The following GAS7 variants were observed in gnomAD, a reference collection of about 807,000 sequenced individuals.
GAS7 encodes growth arrest specific 7.
Under a neutral mutation model 71.1 loss-of-function variants are expected in GAS7, and 28 were observed. The observed-to-expected ratio is 0.39, with a 90% CI of 0.29 to 0.54. GAS7 has a LOEUF of 0.54. Ranked by LOEUF, GAS7 falls within the 20% of genes least tolerant of loss-of-function variation. The pLI is 0.62. For synonymous variants in GAS7, 258 were observed against 245.8 expected, an observed-to-expected ratio of 1.05 and a Z score of -0.46; for missense variants, 436 against 627.8, an observed-to-expected ratio of 0.69 and a Z score of 3.27.
intron 2 of GAS7, among the ~76,000 whole-genome samples, chr17:10,007,625 CAAAAAAAA>C (rs201254619): frequency 2.1e-5 from 1 of 46,596 alleles, no homozygotes; most frequent in African/African-American, 6.9e-5. Flanking sequence ...GATTCTGTCT[CAAAAAAAA>C]AAAAAAAAAA....
At chr17:10,186,893 A>G (rs1042334385) in intron 1 of GAS7, among the ~76,000 whole-genome samples, 15 of 152,126 alleles carry the variant, frequency 9.9e-5, no homozygotes, top group Admixed American at 6.5e-5. Flanking sequence ...GTCTCCAAAA[A>G]AAAACAGAAA....
intron 1 of GAS7, among the ~76,000 whole-genome samples, chr17:10,075,127 G>A (rs564106024): frequency 5.3e-4 from 80 of 152,210 alleles, no homozygotes; most frequent in African/African-American, 1.9e-3. Context: ...GGAGGCTGAG[G>A]TGGGCAAATC....
At chr17:10,099,010 G>A (rs1264880442) in intron 1 of GAS7, among the ~76,000 whole-genome samples, 2 of 152,206 alleles carry the variant, frequency 1.3e-5, no homozygotes, top group East Asian at 3.8e-4. Context: ...GAAGGGCAGA[G>A]TTGTGGCCAT....
chr17:9,939,837 T>C (rs2068535140), intron 8 of GAS7, among the ~76,000 whole-genome samples: 1 of 152,182 alleles, frequency 6.6e-6, no homozygotes, highest in African/African-American at 2.4e-5. Context: ...CTCGAACTCC[T>C]GACCTTGTGA....
At position 9,974,735 on chromosome 17, in the gene GAS7, A is replaced by C. The variant is rs1223359938; in HGVS notation, c.386-4973T>G. Among the ~76,000 whole-genome samples, 1 of 152,094 alleles carries C rather than the reference A, an allele frequency of 6.6e-6. No homozygotes were observed. The highest frequency in any genetic ancestry group is 1.5e-5 in the Non-Finnish European group (1 of 68,026). ...GATATTTGGGTAGAAAAGAGGAGGG[A>C]GGTCTGGGTAGGGAGAAGTCAACAG... On this transcript the variant is annotated intron_variant, in intron 3 of 13. Coordinates refer to ENST00000432992, the MANE Select transcript of GAS7 (RefSeq NM_201433.2). This position sits in a 1 kb window ranked among gnomAD's most constrained non-coding sequence, Gnocchi z 4.0.
At chr17:10,074,682 G>T (rs974809429) in intron 1 of GAS7, among the ~76,000 whole-genome samples, 11 of 152,262 alleles carry the variant, frequency 7.2e-5, no homozygotes, top group African/African-American at 2.4e-4. Context: ...GTACCTGTCG[G>T]TGTGGTTTTA....
intron 1 of GAS7, among the ~76,000 whole-genome samples, chr17:10,105,463 G>A (rs1567593715): frequency 6.6e-6 from 1 of 152,144 alleles, no homozygotes; most frequent in Non-Finnish European, 1.5e-5. Flanking sequence ...GATGGTACAG[G>A]CCTAGAGCAT....
intron 2 of GAS7, among the ~76,000 whole-genome samples, chr17:10,002,775 GT>G (rs1158753649): frequency 6.6e-6 from 1 of 152,168 alleles, no homozygotes; most frequent in African/African-American, 2.4e-5. Context: ...ATTCCATGGT[GT>G]ATATGTGCCA....
intron 1 of GAS7, among the ~76,000 whole-genome samples, chr17:10,033,237 G>C (rs967140868): frequency 1.5e-4 from 23 of 152,192 alleles, no homozygotes; most frequent in African/African-American, 4.1e-4. Context: ...TTCCTGGAAG[G>C]GTGAGGGCCC....
chr17:10,179,464 G>A (rs1209541998), intron 1 of GAS7, among the ~76,000 whole-genome samples: 1 of 144,626 alleles, frequency 6.9e-6, no homozygotes, highest in African/African-American at 2.6e-5. Flanking sequence ...TTCCAAGCTG[G>A]TTTATCTGTC....
chr17:10,126,043 G>A (rs939134115), intron 1 of GAS7, among the ~76,000 whole-genome samples: 4 of 152,152 alleles, frequency 2.6e-5, no homozygotes, highest in Admixed American at 2.6e-4. Context: ...GGCCCCCATC[G>A]CAGAGCAGCC....
At chr17:10,138,042 A>C (rs1348476681) in intron 1 of GAS7, among the ~76,000 whole-genome samples, 1 of 151,602 alleles carries the variant, frequency 6.6e-6, no homozygotes, top group Non-Finnish European at 1.5e-5. Flanking sequence ...GGCTCACTGC[A>C]AGCTCCATCT....
At chr17:10,130,329 TAAA>T (rs35108339) in intron 1 of GAS7, among the ~76,000 whole-genome samples, 36 of 127,432 alleles carry the variant, frequency 2.8e-4, no homozygotes, top group South Asian at 5.0e-4. Flanking sequence ...AGCTATGATT[TAAA>T]AAAAAAAAAA....
At chr17:10,119,419 A>T (rs1003641291) in intron 1 of GAS7, among the ~76,000 whole-genome samples, 3 of 152,250 alleles carry the variant, frequency 2.0e-5, no homozygotes, top group Admixed American at 6.5e-5. Context: ...TTAAGGAGAC[A>T]GAGGTTAAGA....
At chr17:10,110,993 C>T (rs1477921683) in intron 1 of GAS7, among the ~76,000 whole-genome samples, 4 of 152,134 alleles carry the variant, frequency 2.6e-5, no homozygotes, top group Non-Finnish European at 5.9e-5. Context: ...TAAAACATTA[C>T]GCGTCGATTA....
chr17:9,974,742 G>A lies in GAS7; in HGVS notation c.386-4980C>T, dbSNP rs1052135855. 6.6e-6 allele frequency among the ~76,000 whole-genome samples: 1 copy of A among 152,080 alleles called. No homozygotes were observed. The highest frequency in any genetic ancestry group is 2.4e-5 in the African/African-American group (1 of 41,388). On this transcript the variant is annotated intron_variant, in intron 3 of 13. Transcript: ENST00000432992. The surrounding 1 kb of genome is among the most constrained non-coding windows in gnomAD (Gnocchi z 4.0). ...GGGTAGAAAAGAGGAGGGAGGTCTG[G>A]GTAGGGAGAAGTCAACAGAAACAGA...
In GAS7 at chr17:9,995,116, A is replaced by G. The variant is rs544740547; in HGVS notation, c.305-13232T>C. On this transcript the variant is annotated intron_variant, in intron 2 of 13. Coordinates refer to ENST00000432992, the MANE Select transcript of GAS7 (RefSeq NM_201433.2). ...AGTATCGTCTCTGCCCTAGGGAGCT[A>G]ACAGGCTGGCTGGAAGAAGAATCTC... Among the ~76,000 whole-genome samples, 8 of 152,332 alleles carry G rather than the reference A, an allele frequency of 5.3e-5. No individual in the cohort carries two copies. The South Asian group carries it at 1.7e-3, about 32-fold the overall frequency.
intron 1 of GAS7, among the ~76,000 whole-genome samples, chr17:10,146,958 C>T (rs2074126084): frequency 2.2e-5 from 2 of 88,924 alleles, no homozygotes; most frequent in African/African-American, 6.1e-5. Flanking sequence ...GACTCCGTCT[C>T]ATAAAAAAAA....
chr17:10,110,981 T>C (rs1371367680), intron 1 of GAS7, among the ~76,000 whole-genome samples: 1 of 152,200 alleles, frequency 6.6e-6, no homozygotes, highest in Non-Finnish European at 1.5e-5. Flanking sequence ...CCCATAAATA[T>C]GTAAAACATT....
Sources: gnomAD v4.1 joint callset for allele counts (sites outside exome capture counted in the v4.1 genomes callset) on GRCh38, gnomAD v4.1.1 for gene constraint, Gnocchi (gnomAD v3.1) non-coding constraint, MANE v1.5 for transcripts, NCBI Gene and HGNC (gene_info 2026-07-23, HGNC 2026-07-21) for gene names.